Variants in ANKRD26 observed in about 807,000 individuals in gnomAD.
ANKRD26 encodes the protein ankyrin repeat domain 26.
A neutral mutation model predicts 208.7 loss-of-function variants in ANKRD26; 141 were observed. The observed-to-expected ratio is 0.68, with a 90% CI of 0.59 to 0.78. The LOEUF (loss-of-function observed/expected upper bound fraction) is 0.78, where lower values mean the gene tolerates loss of function less well. Ranked by LOEUF, ANKRD26 falls within the 30% of genes least tolerant of loss-of-function variation. The pLI is 0.00. For synonymous variants in ANKRD26, 636 were observed against 660.4 expected, an observed-to-expected ratio of 0.96 and a Z score of 0.57; for missense variants, 1,889 against 1,938.7, an observed-to-expected ratio of 0.97 and a Z score of 0.48.
chr10:27,029,496 G>A, intron 25 of ANKRD26, 140 bp from the exon 26 acceptor site: 1 of 820,676 alleles, frequency 1.2e-6, no homozygotes, highest in African/African-American at 1.7e-5. Context: ...CTTTTGTGCT[G>A]TGACTGTAGA....
Position 27,051,592 on chromosome 10 carries a change from C to T in ANKRD26, c.1635+1728G>A, listed in dbSNP as rs2054661841. The T allele has an allele frequency of 4.1e-6, 4 of 985,086 alleles. No individual in the cohort carries two copies. The East Asian group carries it at 3.4e-4, about 84-fold the overall frequency. 61.0% of individuals were successfully genotyped at this position (985,086 alleles called of 1,614,324 possible). Reference sequence around the variant, plus strand: ...ACATGTTCAGTGTCTGGTTTGTTAACATTTTCATGGCCTAATTTATTTTCA... The same window carrying T: ...ACATGTTCAGTGTCTGGTTTGTTAATATTTTCATGGCCTAATTTATTTTCA... On this transcript the variant is annotated intron_variant, in intron 16 of 33. Transcript: ENST00000376087.
At chr10:26,988,804 GGAAGGC>G (rs1221964019), downstream of ANKRD26, among the ~76,000 whole-genome samples, 1 of 151,568 alleles carries the variant, frequency 6.6e-6, no homozygotes, top group African/African-American at 2.4e-5. Context: ...CCAGCATTTG[GGAAGGC>G]CAAGGTAGGA....
rs980129971 is a variant in ANKRD26, at chr10:27,048,988, A to G, written c.1636-9T>C. ...TTCCTTTCTTCTTCAACCTTTAATG[A>G]AAGTTTGATACTAAGGAATTGCTAT... On this transcript the variant is annotated splice_polypyrimidine_tract_variant and intron_variant, in intron 16 of 33. Transcript: ENST00000376087. 6.3e-7 allele frequency: 1 copy of G among 1,583,316 alleles called. No individual in the cohort carries two copies. Among genetic ancestry groups the G allele is most frequent in the African/African-American group, 1.3e-5 (1 of 74,532 alleles).
rs2054076818 is a variant in ANKRD26 at position 27,037,301 on chromosome 10, G to A, written c.2582C>T (p.Ala861Val). Residue 861 changes from alanine to valine, a missense_variant, in exon 23 of 34, where the codon GCT (alanine) becomes GTT (valine). Physicochemically the swap from Ala to Val is moderately conservative, Grantham distance 64. Transcript: ENST00000376087. ...CTGTTCTCGAGAAAGTTGCCTCTGA[G>A]CGTCATTTCGCTCTTGAACGACCTA... is the stretch of plus-strand genomic sequence containing the variant. Reference protein sequence around the residue: ...LNQVVQERNDAQRQLSREQNA... With the variant: ...LNQVVQERNDVQRQLSREQNA... The A allele has an allele frequency of 6.2e-7, 1 of 1,613,680 alleles. No homozygotes were observed. The highest frequency in any genetic ancestry group is 1.3e-5 in the African/African-American group (1 of 74,884).
At chr10:26,950,627 T>C in the ANKRD26 span, among the ~76,000 whole-genome samples, 2 of 152,270 alleles carry the variant, frequency 1.3e-5, no homozygotes, top group Non-Finnish European at 2.9e-5. Flanking sequence ...TCTCTCCATG[T>C]GAGAAGCCTG....
At chr10:26,965,198 A>T in the ANKRD26 span, among the ~76,000 whole-genome samples, 3 of 152,340 alleles carry the variant, frequency 2.0e-5, no homozygotes, top group African/African-American at 7.2e-5. Context: ...AAAAGAACAA[A>T]GCTGGAGGCA....
At chr10:26,947,735 G>C in the ANKRD26 span, among the ~76,000 whole-genome samples, 1 of 151,902 alleles carries the variant, frequency 6.6e-6, no homozygotes. Flanking sequence ...TCTTTTTTTT[G>C]CTAAATATGT....
chr10:26,956,469 T>C, the ANKRD26 span, among the ~76,000 whole-genome samples: 33 of 152,112 alleles, frequency 2.2e-4, no homozygotes, highest in Non-Finnish European at 1.2e-4. Context: ...TAAGTCTCTA[T>C]TTTTAAAAAT....
At chr10:26,963,902 G>GTTT in the ANKRD26 span, among the ~76,000 whole-genome samples, 24 of 66,962 alleles carry the variant, frequency 3.6e-4, 1 homozygote, top group Non-Finnish European at 5.0e-4. Context: ...ATGGTTGGTT[G>GTTT]GTTTTTTTTT....
intron 13 of ANKRD26, 53 bp from the exon 14 acceptor site, chr10:27,060,593 A>G (rs1300655119): frequency 5.3e-6 from 7 of 1,309,364 alleles, no homozygotes; most frequent in African/African-American, 1.5e-5. Context: ...GACAAAGTCA[A>G]TCATAAATTC....
intron 4 of ANKRD26, among the ~76,000 whole-genome samples, chr10:26,981,803 C>G (rs2052312937): frequency 6.6e-6 from 1 of 152,096 alleles, no homozygotes. Flanking sequence ...GCTTGTGGAC[C>G]TAGCTTTCCA....
At chr10:27,027,293 G>C (rs1368318831) in intron 27 of ANKRD26, among the ~76,000 whole-genome samples, 2 of 152,172 alleles carry the variant, frequency 1.3e-5, no homozygotes, top group Non-Finnish European at 2.9e-5. Context: ...ATCCATTCTT[G>C]ATGAGGAATA....
At chr10:26,960,939 C>T in the ANKRD26 span, among the ~76,000 whole-genome samples, 1 of 152,162 alleles carries the variant, frequency 6.6e-6, no homozygotes, top group Non-Finnish European at 1.5e-5. Flanking sequence ...AAATTTCTGG[C>T]TGGGCACAGT....
At chr10:26,975,164 C>T (rs1363126130) in exon 6 of ANKRD26, among the ~76,000 whole-genome samples, 1 of 152,078 alleles carries the variant, frequency 6.6e-6, no homozygotes. Flanking sequence ...AGAATGACTT[C>T]GCTAATACAA....
In ANKRD26 at chr10:27,046,526, T is replaced by C. The variant is rs747223669; in HGVS notation, c.1815-3A>G. On this transcript the variant is annotated splice_region_variant and splice_polypyrimidine_tract_variant and intron_variant, in intron 17 of 33. Coordinates refer to ENST00000376087, the MANE Select transcript of ANKRD26 (RefSeq NM_014915.3). ...TCATTTGCAAGGCAGGACCACTACTTTAAAAAATCCATGGGAAATGACAGT... is the reference window on the plus strand; with the variant it reads ...TCATTTGCAAGGCAGGACCACTACTCTAAAAAATCCATGGGAAATGACAGT... 3 of 1,613,126 alleles carry C rather than the reference T, an allele frequency of 1.9e-6. No homozygotes were observed. Among genetic ancestry groups the C allele is most frequent in the Non-Finnish European group, 2.5e-6 (3 of 1,179,792 alleles).
At chr10:27,091,770 C>T (rs778556264) in intron 4 of ANKRD26, among the ~76,000 whole-genome samples, 1 of 152,062 alleles carries the variant, frequency 6.6e-6, no homozygotes, top group Non-Finnish European at 1.5e-5. Flanking sequence ...GGGTGGATCA[C>T]GAGGTCAGGA....
chr10:27,093,803 TGA>T lies in ANKRD26; in HGVS notation c.243-6_243-5del, dbSNP rs756496145. 3.1e-6 allele frequency: 5 copies of T among 1,608,500 alleles called. No homozygotes were observed. The African/African-American group carries it at 6.7e-5, about 22-fold the overall frequency. On this transcript the variant is annotated splice_polypyrimidine_tract_variant and splice_region_variant and intron_variant, in intron 1 of 33. Transcript: ENST00000376087. Reference sequence around the variant, plus strand: ...ACAGGCCAAATGTAGAGCCGTCCTATGAGAGTGACAGGACTTTTTATAAACTG... The same window carrying T: ...ACAGGCCAAATGTAGAGCCGTCCTATGAGTGACAGGACTTTTTATAAACTG...
At chr10:26,995,658 C>G (rs1395366675) in intron 4 of ANKRD26, among the ~76,000 whole-genome samples, 1 of 152,194 alleles carries the variant, frequency 6.6e-6, no homozygotes, top group Non-Finnish European at 1.5e-5. Flanking sequence ...TTAAACTACG[C>G]TCACTCTATC....
chr10:27,024,138 G>C (rs1345326962), intron 28 of ANKRD26, among the ~76,000 whole-genome samples: 2 of 152,108 alleles, frequency 1.3e-5, no homozygotes, highest in Admixed American at 1.3e-4. Context: ...ACCAAAGAGA[G>C]AAAGATTACC....
Sources: allele counts gnomAD v4.1 joint callset (sites outside exome capture counted in the v4.1 genomes callset), GRCh38; gene constraint gnomAD v4.1.1; transcripts MANE v1.5; gene names NCBI Gene and HGNC (gene_info 2026-07-23, HGNC 2026-07-21).